TRIO: variants seen among roughly 807,000 people sequenced by gnomAD.
TRIO encodes triple functional domain protein.
TRIO carries 58 observed loss-of-function variants against 351.9 expected under a neutral mutation model. The ratio of observed to expected loss-of-function variants is 0.16; its 90% CI spans 0.13 to 0.21. TRIO has a LOEUF of 0.21. TRIO is among the 10% of genes least tolerant of loss of function. The pLI is 1.00. For missense variants in TRIO, 3,201 were observed against 4,027.8 expected (o/e 0.79, Z 5.56); for synonymous variants, 1,758 against 1,595.7 (o/e 1.10, Z -2.42).
In TRIO at chr5:14,298,730, C is replaced by T. The variant is rs557963512; in HGVS notation, c.1368+1467C>T. Among the ~76,000 whole-genome samples the T allele has an allele frequency of 2.6e-5, 4 of 152,218 alleles. No individual in the cohort carries two copies. The East Asian group carries it at 7.7e-4, about 29-fold the overall frequency. ...TGAGTGATTTATAAAGAGAAACAAA[C>T]CTTCATAGCACCATGTAAAAGCTGA... On this transcript the variant is annotated intron_variant, in intron 7 of 56. Transcript: ENST00000344204.
At chr5:14,432,507 C>T (rs528384069) in intron 34 of TRIO, among the ~76,000 whole-genome samples, 8 of 152,308 alleles carry the variant, frequency 5.3e-5, no homozygotes, top group South Asian at 4.1e-4. Flanking sequence ...TCCAACATTT[C>T]GTCTCTATGA....
At chr5:14,391,669 A>G (rs1262503951) in intron 27 of TRIO, among the ~76,000 whole-genome samples, 1 of 152,240 alleles carries the variant, frequency 6.6e-6, no homozygotes, top group African/African-American at 2.4e-5. Flanking sequence ...TTTTGATTGA[A>G]GGATAAGGTG....
chr5:14,173,138 C>T (rs574836809), intron 1 of TRIO, among the ~76,000 whole-genome samples: 1 of 150,364 alleles, frequency 6.7e-6, no homozygotes, highest in African/African-American at 2.5e-5. Context: ...TCTAGGAGGT[C>T]CAGGAGTATA....
At chr5:14,396,441 A>ATGTTTTTTTTT (rs1579529919) in intron 28 of TRIO, among the ~76,000 whole-genome samples, 1 of 57,692 alleles carries the variant, frequency 1.7e-5, no homozygotes, top group Non-Finnish European at 4.0e-5. Context: ...ATTTCTATTT[A>ATGTTTTTTTTT]TCTTTTTTTT....
intron 1 of TRIO, among the ~76,000 whole-genome samples, chr5:14,164,159 G>A (rs777216511): frequency 1.3e-5 from 2 of 152,170 alleles, no homozygotes; most frequent in African/African-American, 2.4e-5. Flanking sequence ...ACACATTCAC[G>A]TGACTTAAAT....
At chr5:14,161,964 C>T (rs1788483255) in intron 1 of TRIO, among the ~76,000 whole-genome samples, 1 of 152,156 alleles carries the variant, frequency 6.6e-6, no homozygotes, top group Non-Finnish European at 1.5e-5. Flanking sequence ...AGCCATCTGC[C>T]TGTCTTGGCC....
Position 14,474,052 on chromosome 5 carries a change from A to G in TRIO, c.6038A>G (p.Lys2013Arg), listed in dbSNP as rs771683628. 2 of 1,613,618 alleles carry G rather than the reference A, an allele frequency of 1.2e-6. No homozygotes were observed. The highest frequency in any genetic ancestry group is 2.2e-5 in the South Asian group (2 of 91,046). Residue 2013 changes from lysine to arginine, a missense_variant, in exon 40 of 57, where the codon AAA becomes AGA. By Grantham distance (26) the Lys-to-Arg change is conservative. This residue lies in a region of TRIO where 307 missense variants were observed against 396.5 expected (regional missense o/e 0.77). Transcript: ENST00000344204. ...GVPDDMKGKD[K>R]IVFGNIHQIY... ...CCTGATGACATGAAAGGAAAAGACA[A>G]AATTGTGTTCGGCAACATCCATCAG...
rs1753769996 is a variant in TRIO, at chr5:14,461,170, C to T, written c.5355C>T (p.Ser1785=). The T allele has an allele frequency of 1.9e-6, 3 of 1,558,396 alleles. No homozygotes were observed. Among genetic ancestry groups the T allele is most frequent in the South Asian group, 1.2e-5 (1 of 84,826 alleles). The change falls in exon 35 of 57, where the codon AGC becomes AGT. Residue 1785 remains serine, a synonymous_variant. Coordinates refer to ENST00000344204, the MANE Select transcript of TRIO (RefSeq NM_007118.4). ...KWLTSPVRRL[S]SGKADGHVKK... is the part of the protein sequence containing the mutation. ...TCACCAGCCCCGTGCGGCGGCTCAG[C>T]AGCGGCAAGGCCGACGGGCACGTGA...
At chr5:14,447,813 C>T (rs1037743757) in intron 34 of TRIO, among the ~76,000 whole-genome samples, 3 of 152,186 alleles carry the variant, frequency 2.0e-5, no homozygotes, top group Admixed American at 6.5e-5. Flanking sequence ...ATGTCAAGAA[C>T]TATTATGCCC....
chr5:14,500,816 G>A (rs1161281389), intron 53 of TRIO, among the ~76,000 whole-genome samples: 2 of 149,290 alleles, frequency 1.3e-5, no homozygotes, highest in South Asian at 4.3e-4. Context: ...TGCCACCTGG[G>A]ATGTTGAAAT....
chr5:14,390,190 A>G, intron 25 of TRIO, 41 bp from the exon 26 acceptor site: 1 of 1,593,950 alleles, frequency 6.3e-7, no homozygotes, highest in Non-Finnish European at 8.6e-7. Flanking sequence ...AAAATGTTTT[A>G]AAACACCTTT....
intron 1 of TRIO, among the ~76,000 whole-genome samples, chr5:14,254,253 G>A (rs369248354): frequency 2.3e-4 from 35 of 149,736 alleles, no homozygotes; most frequent in Non-Finnish European, 4.7e-4. Flanking sequence ...GCATGATATC[G>A]GCTCACTGCA....
At chr5:14,176,647 G>A (rs1442592636) in intron 1 of TRIO, among the ~76,000 whole-genome samples, 1 of 152,132 alleles carries the variant, frequency 6.6e-6, no homozygotes, top group Non-Finnish European at 1.5e-5. Context: ...TAGCGGTGGA[G>A]TTTCACCAAC....
At chr5:14,402,514 GGTA>G (rs1455791993) in intron 31 of TRIO, among the ~76,000 whole-genome samples, 1 of 152,160 alleles carries the variant, frequency 6.6e-6, no homozygotes, top group Non-Finnish European at 1.5e-5. Flanking sequence ...TGGTGGGAAT[GGTA>G]GTGTAATGAT....
intron 1 of TRIO, among the ~76,000 whole-genome samples, chr5:14,154,412 C>T (rs1015958010): frequency 6.6e-6 from 1 of 152,086 alleles, no homozygotes; most frequent in African/African-American, 2.4e-5. Context: ...GTTGTGGTCA[C>T]TCCTGGTTTT....
intron 15 of TRIO, among the ~76,000 whole-genome samples, chr5:14,365,056 G>A (rs1048439272): frequency 3.9e-5 from 6 of 152,210 alleles, no homozygotes; most frequent in Non-Finnish European, 8.8e-5. Context: ...CCCAGCACAG[G>A]CAGCACTTGA....
chr5:14,346,365 G>T (rs908968092), intron 11 of TRIO, among the ~76,000 whole-genome samples: 20 of 152,210 alleles, frequency 1.3e-4, no homozygotes, highest in African/African-American at 4.8e-4. Flanking sequence ...TGAAGGCTTT[G>T]TAAGGAAAGA....
At chr5:14,284,821 C>T (rs1286518704) in intron 3 of TRIO, among the ~76,000 whole-genome samples, 1 of 152,228 alleles carries the variant, frequency 6.6e-6, no homozygotes, top group Non-Finnish European at 1.5e-5. Context: ...AATCTCCTGT[C>T]TTTGGTGTAC....
At chr5:14,243,530 G>T (rs1050125849) in intron 1 of TRIO, among the ~76,000 whole-genome samples, 1 of 151,874 alleles carries the variant, frequency 6.6e-6, no homozygotes, top group African/African-American at 2.4e-5. Flanking sequence ...ATGATTTTTG[G>T]AAAGGTGTAT....
Sources: allele counts gnomAD v4.1 joint callset (sites outside exome capture counted in the v4.1 genomes callset), GRCh38; gene constraint gnomAD v4.1.1; regional missense constraint gnomAD v4.1.1; transcripts MANE v1.5; gene names NCBI Gene and HGNC (gene_info 2026-07-23, HGNC 2026-07-21).